Variants in LETM1 observed in about 807,000 individuals in gnomAD.
LETM1 encodes mitochondrial proton/calcium exchanger protein.
A neutral mutation model predicts 74.5 loss-of-function variants in LETM1; 50 were observed. The ratio of observed to expected loss-of-function variants is 0.67; its 90% confidence interval spans 0.53 to 0.85. The LOEUF is 0.85. Among genes scored for constraint, LETM1 ranks in the 40% least tolerant of loss-of-function variants. The pLI is 0.00. For missense variants in LETM1, 824 were observed against 967.8 expected, an observed-to-expected ratio of 0.85 and a Z score of 1.97; for synonymous variants, 446 against 407.1, an observed-to-expected ratio of 1.10 and a Z score of -1.15.
intron 9 of LETM1, chr4:1,822,664 G>A (rs1468097386): frequency 5.7e-6 from 2 of 347,930 alleles, no homozygotes; most frequent in Non-Finnish European, 1.0e-5. Flanking sequence ...GAGGCTGGGG[G>A]AGCCTGCAGC....
intron 13 of LETM1, 76 bp from the exon 14 acceptor site, chr4:1,814,649 G>A (rs368609599): frequency 2.0e-5 from 26 of 1,320,368 alleles, no homozygotes; most frequent in African/African-American, 5.8e-5. Flanking sequence ...GGCCAGCGCC[G>A]TCAGTCGCCC....
chr4:1,840,511 C>A (rs1226106507), intron 3 of LETM1, among the ~76,000 whole-genome samples: 1 of 151,400 alleles, frequency 6.6e-6, no homozygotes, highest in African/African-American at 2.4e-5. Context: ...ACTAAAAATA[C>A]AAAAAATTAG....
intron 13 of LETM1, among the ~76,000 whole-genome samples, chr4:1,815,424 C>G (rs933577578): frequency 6.6e-6 from 1 of 152,236 alleles, no homozygotes; most frequent in Non-Finnish European, 1.5e-5. Context: ...CAGGGACATG[C>G]GTAGCCACTA....
chr4:1,828,815 ACCC>A (rs1375679940), intron 6 of LETM1, among the ~76,000 whole-genome samples: 2 of 47,440 alleles, frequency 4.2e-5, no homozygotes, highest in African/African-American at 1.7e-4. Flanking sequence ...AGGGGGGCTG[ACCC>A]CCCCCACCTC....
At chr4:1,817,652 A>AT (rs1711623352) in intron 11 of LETM1, among the ~76,000 whole-genome samples, 1 of 152,260 alleles carries the variant, frequency 6.6e-6, no homozygotes, top group Non-Finnish European at 1.5e-5. Context: ...TATTTCTATC[A>AT]TACAAATTTC....
intron 10 of LETM1, 48 bp downstream of exon 10, chr4:1,822,133 A>G: frequency 7.4e-7 from 1 of 1,351,504 alleles, no homozygotes; most frequent in Non-Finnish European, 9.6e-7. Context: ...CCACAAAGCC[A>G]GGCCATGCCC....
chr4:1,817,245 CAAAAAAAAAAAAAA>C (rs60805612), intron 11 of LETM1, among the ~76,000 whole-genome samples: 1 of 66,070 alleles, frequency 1.5e-5, no homozygotes, highest in African/African-American at 6.2e-5. Flanking sequence ...ACTCTGTCTC[CAAAAAAAAAAAAAA>C]AAAAAAAAAG....
chr4:1,815,418 G>A (rs1279263222), intron 13 of LETM1, among the ~76,000 whole-genome samples: 7 of 152,236 alleles, frequency 4.6e-5, no homozygotes, highest in Admixed American at 1.3e-4. Context: ...GGGGTCCAGG[G>A]ACATGCGTAG....
chr4:1,815,289 G>A (rs769638516), intron 13 of LETM1, among the ~76,000 whole-genome samples: 1 of 152,110 alleles, frequency 6.6e-6, no homozygotes, highest in Non-Finnish European at 1.5e-5. Flanking sequence ...TCAGCTTTGG[G>A]GGCCCCCGGC....
At chr4:1,844,107 G>A (rs1000909567) in intron 2 of LETM1, among the ~76,000 whole-genome samples, 8 of 152,172 alleles carry the variant, frequency 5.3e-5, no homozygotes, top group South Asian at 2.1e-4. Context: ...ACGAAGACTC[G>A]GAAAAACAGA....
intron 1 of LETM1, among the ~76,000 whole-genome samples, chr4:1,852,063 C>T (rs968046471): frequency 6.6e-6 from 1 of 152,156 alleles, no homozygotes; most frequent in African/African-American, 2.4e-5. Flanking sequence ...CCAACACCAA[C>T]GAATTCTCCA....
At chr4:1,822,569 T>C (rs1711819907) in intron 9 of LETM1, 2 of 362,152 alleles carry the variant, frequency 5.5e-6, no homozygotes, top group African/African-American at 4.2e-5. Context: ...GCCCTGTCAC[T>C]TGCAGAGCAG....
At chr4:1,816,009 A>G (rs1459760343) in intron 12 of LETM1, among the ~76,000 whole-genome samples, 1 of 152,228 alleles carries the variant, frequency 6.6e-6, no homozygotes, top group Non-Finnish European at 1.5e-5. Flanking sequence ...CAAACACAGA[A>G]ACACCACCAG....
intron 3 of LETM1, among the ~76,000 whole-genome samples, chr4:1,837,958 G>C (rs913849810): frequency 1.4e-4 from 21 of 151,946 alleles, no homozygotes; most frequent in Non-Finnish European, 2.2e-4. Context: ...CTGCAGCACT[G>C]GCCTCCCAAA....
At chr4:1,819,224 C>T (rs577208343) in intron 11 of LETM1, 114 bp downstream of exon 11, 2 of 1,118,772 alleles carry the variant, frequency 1.8e-6, no homozygotes, top group Non-Finnish European at 2.5e-6. Flanking sequence ...TCTCCAAATA[C>T]TCTTTGGCCA....
intron 1 of LETM1, among the ~76,000 whole-genome samples, chr4:1,853,253 C>G (rs577285533): frequency 2.6e-5 from 4 of 152,372 alleles, no homozygotes; most frequent in East Asian, 1.9e-4. Flanking sequence ...CCCCCTCTCC[C>G]ACACAGCCCT....
chr4:1,847,754 G>A (rs1483832695), intron 2 of LETM1, among the ~76,000 whole-genome samples: 1 of 148,290 alleles, frequency 6.7e-6, no homozygotes, highest in African/African-American at 2.5e-5. Flanking sequence ...AACCCGGGAG[G>A]CAGAGGTTGC....
At chr4:1,816,608 C>G (rs1038142539) in intron 12 of LETM1, 119 bp downstream of exon 12, 1 of 943,988 alleles carries the variant, frequency 1.1e-6, no homozygotes, top group Non-Finnish European at 1.6e-6. Context: ...GGAGAGGCAG[C>G]CAGGCAGAGG....
chr4:1,851,067 C>G (rs903291968), intron 1 of LETM1, among the ~76,000 whole-genome samples: 4 of 152,148 alleles, frequency 2.6e-5, no homozygotes, highest in African/African-American at 9.7e-5. Flanking sequence ...CCCTAACTTG[C>G]TCTAGTTCCT....
Sources: allele counts gnomAD v4.1 joint callset (sites outside exome capture counted in the v4.1 genomes callset), GRCh38; gene constraint gnomAD v4.1.1; transcripts MANE v1.5; gene names NCBI Gene and HGNC (gene_info 2026-07-23, HGNC 2026-07-21).